The following SOX13 variants were observed in gnomAD, a reference collection of about 807,000 sequenced individuals.
SOX13 encodes transcription factor SOX-13.
Under a neutral mutation model 71.8 loss-of-function variants are expected in SOX13, and 28 were observed. That is an observed-to-expected ratio of 0.39 (90% CI 0.29 to 0.53). SOX13 has a LOEUF of 0.53. SOX13 is among the 20% of genes least tolerant of loss of function. The pLI is 0.70. For synonymous variants in SOX13, 309 were observed against 317.8 expected (o/e 0.97, Z 0.29); for missense variants, 627 against 810.3 (o/e 0.77, Z 2.75).
At chr1:204,105,060 G>C (rs1342779935) in intron 1 of SOX13, among the ~76,000 whole-genome samples, 1 of 152,120 alleles carries the variant, frequency 6.6e-6, no homozygotes, top group East Asian at 1.9e-4. Context: ...GAGAGGAAGA[G>C]GATCGGCACC....
At chr1:204,117,908 T>A (rs1656727131) in intron 7 of SOX13, 1 of 585,288 alleles carries the variant, frequency 1.7e-6, no homozygotes, top group African/African-American at 1.9e-5. Flanking sequence ...TGAAAAACCA[T>A]AAAGCCCTTT....
Position 204,127,647 on chromosome 1 carries a change from G to T in SOX13, c.*1513G>T, listed in dbSNP as rs915372616. The T allele has an allele frequency of 6.6e-6, 1 of 152,600 alleles. No individual in the cohort carries two copies. The highest frequency in any genetic ancestry group is 2.4e-5 in the African/African-American group (1 of 41,448). 9.5% of individuals were successfully genotyped at this position (152,600 alleles called of 1,614,324 possible). On this transcript the variant is annotated 3_prime_UTR_variant, in exon 14 of 14. Coordinates refer to ENST00000367204, the MANE Select transcript of SOX13 (RefSeq NM_005686.3). ...TAGTGCTTTATTTTGTTAATAATAA[G>T]ATAATGATGAGTAACTTAACCAGCA...
chr1:204,101,642 G>C (rs1254865445), intron 1 of SOX13, among the ~76,000 whole-genome samples: 1 of 152,068 alleles, frequency 6.6e-6, no homozygotes, highest in East Asian at 1.9e-4. Context: ...TTTGTGCCAG[G>C]CATTGGGCTA....
At chr1:204,117,753 G>C in intron 7 of SOX13, 46 bp downstream of exon 7, 1 of 1,367,432 alleles carries the variant, frequency 7.3e-7, no homozygotes, top group Non-Finnish European at 1.0e-6. Context: ...AGCCTGTCCT[G>C]AGGTCAGGGA....
At chr1:204,112,555 A>C (rs1571586859) in intron 1 of SOX13, among the ~76,000 whole-genome samples, 1 of 149,134 alleles carries the variant, frequency 6.7e-6, no homozygotes, top group African/African-American at 2.5e-5. Flanking sequence ...TCGCTCTCCA[A>C]CTCTGTTGGG....
intron 1 of SOX13, among the ~76,000 whole-genome samples, chr1:204,088,627 G>C (rs868332164): frequency 6.6e-6 from 1 of 152,158 alleles, no homozygotes; most frequent in African/African-American, 2.4e-5. Context: ...CTGGGGGTAG[G>C]TGACTGGGAA....
intron 7 of SOX13, chr1:204,119,526 C>T (rs1364629949): frequency 6.6e-6 from 1 of 152,236 alleles, no homozygotes; most frequent in African/African-American, 2.4e-5. Context: ...AAGTCTATCA[C>T]ATTGGGAATT....
chr1:204,113,099 C>G lies in SOX13; in HGVS notation c.184C>G (p.Gln62Glu). 6.3e-7 allele frequency: 1 copy of G among 1,582,456 alleles called. No individual in the cohort carries two copies. Among genetic ancestry groups the G allele is most frequent in the East Asian group, 2.3e-5 (1 of 43,106 alleles). The change falls in exon 2 of 14, where the codon CAA (glutamine) becomes GAA (glutamate). Residue 62 changes from glutamine (Q) to glutamate (E), a missense_variant. Coordinates refer to ENST00000367204, the MANE Select transcript of SOX13 (RefSeq NM_005686.3). ...GGCCTCCCAGGATAGTGCTGACCCCCAAGCTCCAGCCCAGGGGAATTTCAG... is the reference window on the plus strand; with the variant it reads ...GGCCTCCCAGGATAGTGCTGACCCCGAAGCTCCAGCCCAGGGGAATTTCAG... ...ARASQDSADPQAPAQGNFRGS... is the reference protein window; with the variant it reads ...ARASQDSADPEAPAQGNFRGS...
At chr1:204,121,827 G>T in intron 7 of SOX13, 73 bp from the exon 8 acceptor site, 1 of 1,057,614 alleles carries the variant, frequency 9.5e-7, no homozygotes. Context: ...TTGTGGTGCT[G>T]GGACCTCGTC....
At chr1:204,084,147 G>A (rs1343748886) in intron 1 of SOX13, among the ~76,000 whole-genome samples, 5 of 152,136 alleles carry the variant, frequency 3.3e-5, no homozygotes, top group African/African-American at 4.8e-5. Context: ...GAGCTCAGGG[G>A]CCTTATTCAG....
In SOX13 at chr1:204,087,199, G is replaced by A. The variant is rs529208193; in HGVS notation, c.-2+13488G>A. On this transcript the variant is annotated intron_variant, in intron 1 of 13. Coordinates refer to ENST00000367204, the MANE Select transcript of SOX13 (RefSeq NM_005686.3). ...GGCCTCCCAAAATGCTGGGATTACA[G>A]GCGTGAGCCACCGCGCCCAGCTTTT... Among the ~76,000 whole-genome samples, 309 of 152,360 alleles carry A rather than the reference G, an allele frequency of 2.0e-3. 3 individuals are homozygous for A. Among genetic ancestry groups the A allele is most frequent in the African/African-American group, 7.3e-3 (304 of 41,588 alleles).
rs939526520 is a variant in SOX13, at chr1:204,073,352, T to G, written c.-361T>G. On this transcript the variant is annotated 5_prime_UTR_variant, in exon 1 of 14. Coordinates refer to ENST00000367204, the MANE Select transcript of SOX13 (RefSeq NM_005686.3). This position sits in a 1 kb window ranked among gnomAD's most constrained non-coding sequence, Gnocchi z 6.8. ...GCGGGCCGGCTGCGCGTCCGACGAG[T>G]CGCAGAGCAGGACCGCGGAAGGCAG... 9.2e-5 allele frequency: 14 copies of G among 152,158 alleles called. No individual in the cohort carries two copies. The highest frequency in any genetic ancestry group is 1.8e-4 in the Non-Finnish European group (12 of 68,254). The allele number at this position is 152,158 out of a possible 1,614,324, so 9.4% of individuals were successfully genotyped here.
intron 1 of SOX13, among the ~76,000 whole-genome samples, chr1:204,088,923 A>G (rs1444535520): frequency 6.6e-6 from 1 of 151,980 alleles, no homozygotes; most frequent in Non-Finnish European, 1.5e-5. Flanking sequence ...ATGAAGGGAG[A>G]TGCTGGTGGG....
intron 7 of SOX13, among the ~76,000 whole-genome samples, chr1:204,120,772 C>T (rs1656786745): frequency 6.6e-6 from 1 of 152,198 alleles, no homozygotes; most frequent in Admixed American, 6.5e-5. Flanking sequence ...CTGCCATGCA[C>T]TTCATGATTT....
At chr1:204,091,418 A>G (rs1405875945) in intron 1 of SOX13, among the ~76,000 whole-genome samples, 4 of 152,194 alleles carry the variant, frequency 2.6e-5, no homozygotes, top group South Asian at 2.1e-4. Flanking sequence ...TTTAAAACCA[A>G]TGGTTTGGTA....
At chr1:204,111,264 C>A (rs1265646410) in intron 1 of SOX13, among the ~76,000 whole-genome samples, 1 of 152,172 alleles carries the variant, frequency 6.6e-6, no homozygotes, top group Non-Finnish European at 1.5e-5. Flanking sequence ...AGTGTAGAGA[C>A]TCTTACCATG....
intron 1 of SOX13, among the ~76,000 whole-genome samples, chr1:204,091,167 G>C (rs1656135515): frequency 6.6e-6 from 1 of 152,102 alleles, no homozygotes; most frequent in African/African-American, 2.4e-5. Context: ...GAACTGCCTG[G>C]TAACTGAGAC....
rs536656336 is a variant in SOX13, at chr1:204,113,540, C to T, written c.219+406C>T. Among the ~76,000 whole-genome samples, 18 of 152,228 alleles carry T rather than the reference C, an allele frequency of 1.2e-4. No individual in the cohort carries two copies. In the East Asian group the frequency reaches 1.5e-3, roughly 13 times the overall value. On this transcript the variant is annotated intron_variant, in intron 2 of 13. Coordinates refer to ENST00000367204, the MANE Select transcript of SOX13 (RefSeq NM_005686.3). ...AATTAGGTCACTGTTAAAGATGATA[C>T]GGTTCTTGACCCTTAAAAAAACAAG...
chr1:204,091,739 T>C (rs1387181812), intron 1 of SOX13, among the ~76,000 whole-genome samples: 5 of 149,314 alleles, frequency 3.3e-5, no homozygotes, highest in African/African-American at 1.3e-4. Context: ...TGTGCGTGTG[T>C]GTGTGTGTGT....
Sources: gnomAD v4.1 joint callset for allele counts (sites outside exome capture counted in the v4.1 genomes callset) on GRCh38, gnomAD v4.1.1 for gene constraint, Gnocchi (gnomAD v3.1) non-coding constraint, MANE v1.5 for transcripts, NCBI Gene and HGNC (gene_info 2026-07-23, HGNC 2026-07-21) for gene names.